GBP5: variants seen among roughly 807,000 people sequenced by gnomAD.
GBP5 encodes the protein guanylate-binding protein 5.
Under a neutral mutation model 58.2 loss-of-function variants are expected in GBP5, and 48 were observed. That is an observed-to-expected ratio of 0.83 (90% CI 0.65 to 1.05). The LOEUF (loss-of-function observed/expected upper bound fraction) is 1.05, where lower values mean the gene tolerates loss of function less well. GBP5 is among the 50% of genes least tolerant of loss of function. GBP5 has a pLI of 0.00. For synonymous variants in GBP5, 248 were observed against 251.8 expected, an observed-to-expected ratio of 0.98 and a Z score of 0.14; for missense variants, 714 against 686.8, an observed-to-expected ratio of 1.04 and a Z score of -0.44.
In GBP5 at chr1:89,269,361, C is replaced by T. The variant is rs774456807; in HGVS notation, c.190+5G>A. 1 of 1,613,682 alleles carries T rather than the reference C, an allele frequency of 6.2e-7. No homozygotes were observed. Among genetic ancestry groups the T allele is most frequent in the South Asian group, 1.1e-5 (1 of 91,036 alleles). On this transcript the variant is annotated splice_donor_5th_base_variant and intron_variant, in intron 3 of 11. Transcript: ENST00000370459. ...GTTTGGCAGAGCTTTGCTGGTACCA[C>T]TCACCCTTGTTCTTCCCAGCCAGCT...
In GBP5 at chr1:89,264,855, T is replaced by C; in HGVS notation, c.980A>G (p.Gln327Arg). ...CTGGTCATAGTGGGCAATGGCCTTTTGCACTGCAGCTGAGTTCTCTCTCTG... is the reference window on the plus strand; with the variant it reads ...CTGGTCATAGTGGGCAATGGCCTTTCGCACTGCAGCTGAGTTCTCTCTCTG... Reference protein sequence around the residue: ...LAQRENSAAVQKAIAHYDQQM... With the variant: ...LAQRENSAAVRKAIAHYDQQM... The change falls in exon 8 of 12, where the codon CAA becomes CGA. Residue 327 changes from glutamine (Q) to arginine (R), a missense_variant. Coordinates refer to ENST00000370459, the MANE Select transcript of GBP5 (RefSeq NM_052942.5). The C allele has an allele frequency of 6.2e-7, 1 of 1,614,240 alleles. No homozygotes were observed.
rs2100593780 is a variant in GBP5 at position 89,266,342 on chromosome 1, T to C, written c.868+4A>G. ...TGAAGGAAAATCCTAAAAATAATACTCACGAGATCCATTGACCATGATGCC... is the reference window on the plus strand; with the variant it reads ...TGAAGGAAAATCCTAAAAATAATACCCACGAGATCCATTGACCATGATGCC... On this transcript the variant is annotated splice_donor_region_variant and intron_variant, in intron 7 of 11. Coordinates refer to ENST00000370459, the MANE Select transcript of GBP5 (RefSeq NM_052942.5). 2 of 1,608,352 alleles carry C rather than the reference T, an allele frequency of 1.2e-6. No individual in the cohort carries two copies. Among genetic ancestry groups the C allele is most frequent in the East Asian group, 2.2e-5 (1 of 44,814 alleles).
In GBP5 at chr1:89,260,652, T is replaced by C; in HGVS notation, c.*52A>G. The C allele has an allele frequency of 2.8e-6, 3 of 1,065,382 alleles. No homozygotes were observed. The highest frequency in any genetic ancestry group is 2.9e-6 in the Non-Finnish European group (2 of 690,414). 66.0% of individuals were successfully genotyped at this position (1,065,382 alleles called of 1,614,324 possible). A position where few individuals can be genotyped will look rare whatever the true frequency, so the allele number is the denominator to read the frequency against. The stretch of plus-strand genomic sequence containing the variant: ...CCCAAGGTCTACAGTTTCTTTTCTG[T>C]TGTGTCATCAGTGACAAAGAGTAAA... On this transcript the variant is annotated 3_prime_UTR_variant, in exon 12 of 12. Transcript: ENST00000370459.
At chr1:89,266,660 T>A in intron 6 of GBP5, 72 bp from the exon 7 acceptor site, 1 of 1,370,866 alleles carries the variant, frequency 7.3e-7, no homozygotes, top group South Asian at 1.4e-5. Context: ...CTTGAATAAA[T>A]GTCCTTCCAC....
chr1:89,267,318 G>A (rs1438488795), intron 5 of GBP5, 99 bp downstream of exon 5: 3 of 1,024,538 alleles, frequency 2.9e-6, no homozygotes, highest in South Asian at 1.4e-5. Flanking sequence ...TGTTTATCAC[G>A]TTTCCATTTT....
In GBP5 at chr1:89,258,415, T is replaced by C. The variant is rs1466524781; in HGVS notation, c.*2289A>G. Among the ~76,000 whole-genome samples, 9 of 152,202 alleles carry C rather than the reference T, an allele frequency of 5.9e-5. No homozygotes were observed. The highest frequency in any genetic ancestry group is 1.0e-4 in the Non-Finnish European group (7 of 68,030). ...TTACTGATAACATTTCCTTGGATGA[T>C]AAAATGTATTTTTTTCTTTATAAAT... On this transcript the variant is annotated 3_prime_UTR_variant, in exon 12 of 12. Transcript: ENST00000370459.
In GBP5 at chr1:89,268,774, G is replaced by C; in HGVS notation, c.273C>G (p.His91Gln). ...WCVPHPNWPN[H>Q]TLVLLDTEGL... ...CCTCGGTGTCAAGCAGAACTAATGT[G>C]TGATTTGGCCAGTTGGGATGAGGCA... Residue 91 changes from histidine (H) to glutamine (Q), a missense_variant, in exon 4 of 12, where the codon CAC (histidine) becomes CAG (glutamine). Transcript: ENST00000370459. 1 of 1,614,014 alleles carries C rather than the reference G, an allele frequency of 6.2e-7. No individual in the cohort carries two copies. Among genetic ancestry groups the C allele is most frequent in the South Asian group, 1.1e-5 (1 of 91,078 alleles).
Position 89,269,626 on chromosome 1 carries a change from G to A in GBP5, c.-19-52C>T, listed in dbSNP as rs532239347. On this transcript the variant is annotated intron_variant, in intron 2 of 11. Coordinates refer to ENST00000370459, the MANE Select transcript of GBP5 (RefSeq NM_052942.5). ...GGAATTTCTGGTGTTTGTTTAATAAGCAAAGGAAGTCATTTTGCTTACTGA... is the reference window on the plus strand; with the variant it reads ...GGAATTTCTGGTGTTTGTTTAATAAACAAAGGAAGTCATTTTGCTTACTGA... 4.8e-5 allele frequency: 62 copies of A among 1,280,998 alleles called. 1 individual carries two copies. The Middle Eastern group carries it at 1.6e-3, about 32-fold the overall frequency. The allele number at this position is 1,280,998 out of a possible 1,614,324, so 79.4% of individuals were successfully genotyped here.
intron 4 of GBP5, among the ~76,000 whole-genome samples, chr1:89,268,187 A>T (rs892452479): frequency 6.6e-5 from 10 of 152,252 alleles, no homozygotes; most frequent in African/African-American, 1.9e-4. Context: ...AAAATAGTCA[A>T]GTGCTACAAA....
In GBP5 at chr1:89,262,334, G is replaced by T. The variant is rs757748945; in HGVS notation, c.1533C>A (p.Asn511Lys). Residue 511 changes from asparagine to lysine, a missense_variant, in exon 11 of 12, where the codon AAC (asparagine) becomes AAA (lysine). Physicochemically the swap from Asn to Lys is moderately conservative, Grantham distance 94. Coordinates refer to ENST00000370459, the MANE Select transcript of GBP5 (RefSeq NM_052942.5). Reference protein sequence around the residue: ...AQRLAAIQRQNEQMMQERERL... With the variant: ...AQRLAAIQRQKEQMMQERERL... ...TCTCCCTCTCCTGCATCATTTGCTC[G>T]TTCTGCCTTTGAATCGCCGCCAACC... is the stretch of plus-strand genomic sequence containing the variant. The T allele has an allele frequency of 6.2e-7, 1 of 1,613,870 alleles. No individual in the cohort carries two copies. The highest frequency in any genetic ancestry group is 8.5e-7 in the Non-Finnish European group (1 of 1,179,958).
chr1:89,265,082 T>G (rs1273535978), intron 7 of GBP5, 116 bp from the exon 8 acceptor site: 2 of 995,262 alleles, frequency 2.0e-6, no homozygotes, highest in Non-Finnish European at 3.0e-6. Context: ...TTTAGCATTA[T>G]GGACAGTAGT....
chr1:89,264,785 C>T lies in GBP5; in HGVS notation c.1050G>A (p.Glu350=). The T allele has an allele frequency of 6.2e-7, 1 of 1,614,190 alleles. No homozygotes were observed. Among genetic ancestry groups the T allele is most frequent in the Non-Finnish European group, 8.5e-7 (1 of 1,180,032 alleles). ...CACTGGTCCTGTGCAGGTCCAGCAGCTCCTGGAGGGTTTCCATGGGCAGCT... is the reference window on the plus strand; with the variant it reads ...CACTGGTCCTGTGCAGGTCCAGCAGTTCCTGGAGGGTTTCCATGGGCAGCT... ...KVQLPMETLQ[E]LLDLHRTSER... is the part of the protein sequence containing the mutation. Residue 350 remains glutamate (E), a synonymous_variant, in exon 8 of 12, where the codon GAG becomes GAA. Coordinates refer to ENST00000370459, the MANE Select transcript of GBP5 (RefSeq NM_052942.5).
intron 7 of GBP5, among the ~76,000 whole-genome samples, chr1:89,266,062 T>C (rs923540839): frequency 6.6e-6 from 1 of 152,222 alleles, no homozygotes; most frequent in Non-Finnish European, 1.5e-5. Flanking sequence ...AATGTATTTG[T>C]TGAACAAATG....
rs772656612 is a variant in GBP5 at position 89,264,811 on chromosome 1, G to A, written c.1024C>T (p.Gln342Ter). 1 of 1,614,176 alleles carries A rather than the reference G, an allele frequency of 6.2e-7. No homozygotes were observed. Among genetic ancestry groups the A allele is most frequent in the Admixed American group, 1.7e-5 (1 of 60,022 alleles). The change falls in exon 8 of 12, where the codon CAG becomes TAG. Residue 342 changes from glutamine (Q) to a stop codon, truncating the protein, a stop_gained. Transcript: ENST00000370459. LOFTEE classifies it high-confidence loss of function. Reference protein sequence around the residue: ...HYDQQMGQKVQLPMETLQELL... With the variant: ...HYDQQMGQKV ...TCCTGGAGGGTTTCCATGGGCAGCT[G>A]CACTTTCTGGCCCATTTGCTGGTCA... is the stretch of plus-strand genomic sequence containing the variant.
chr1:89,264,703 A>G lies in GBP5; in HGVS notation c.1132T>C (p.Phe378Leu). 6.2e-7 allele frequency: 1 copy of G among 1,613,480 alleles called. No individual in the cohort carries two copies. Among genetic ancestry groups the G allele is most frequent in the Non-Finnish European group, 8.5e-7 (1 of 1,179,460 alleles). The change falls in exon 8 of 12, where the codon TTC becomes CTC. Residue 378 changes from phenylalanine to leucine, a missense_variant. By Grantham distance (22) the Phe-to-Leu change is conservative. Coordinates refer to ENST00000370459, the MANE Select transcript of GBP5 (RefSeq NM_052942.5). Reference protein sequence around the residue: ...KNSFKDVDQSFQKELETLLDA... With the variant: ...KNSFKDVDQSLQKELETLLDA... ...AATATCACCTCCAATTCTTTCTGGA[A>G]ACTTTGGTCTACATCCTTGAAAGAG...
chr1:89,270,188 G>A (rs1650389235), intron 2 of GBP5: 1 of 152,038 alleles, frequency 6.6e-6, no homozygotes, highest in Non-Finnish European at 1.5e-5. Context: ...GACTGAATGA[G>A]TAAAACAACT....
chr1:89,262,234 C>T lies in GBP5; in HGVS notation c.1633G>A (p.Glu545Lys). The stretch of plus-strand genomic sequence containing the variant: ...TTGATGAATACCTGCATCTGTTGTT[C>T]CTGCATTTTCTGTTGCTCTGCCAGC... Reference protein sequence around the residue: ...NWLAEQQKMQEQQMQEQAAQL... With the variant: ...NWLAEQQKMQKQQMQEQAAQL... The change falls in exon 11 of 12, where the codon GAA (glutamate) becomes AAA (lysine). Residue 545 changes from glutamate to lysine, a missense_variant. By Grantham distance (56) the Glu-to-Lys change is moderately conservative. Transcript: ENST00000370459. The T allele has an allele frequency of 6.2e-7, 1 of 1,614,112 alleles. No homozygotes were observed. The highest frequency in any genetic ancestry group is 2.2e-5 in the East Asian group (1 of 44,888).
rs1204308111 is a variant in GBP5 at position 89,256,621 on chromosome 1, T to A, written c.*4083A>T. On this transcript the variant is annotated 3_prime_UTR_variant, in exon 12 of 12. Transcript: ENST00000370459. ...TGTTGAAACTGACTGAGACATGGGG[T>A]CAAGAGAGATTTCAAGAGTTTTGAG... 1.3e-5 allele frequency among the ~76,000 whole-genome samples: 2 copies of A among 152,130 alleles called. No homozygotes were observed. The highest frequency in any genetic ancestry group is 2.9e-5 in the Non-Finnish European group (2 of 68,018).
rs1175959738 is a variant in GBP5 at position 89,258,553 on chromosome 1, A to G, written c.*2151T>C. 2.0e-5 allele frequency among the ~76,000 whole-genome samples: 3 copies of G among 152,206 alleles called. No individual in the cohort carries two copies. The highest frequency in any genetic ancestry group is 2.9e-5 in the Non-Finnish European group (2 of 68,032). On this transcript the variant is annotated 3_prime_UTR_variant, in exon 12 of 12. Coordinates refer to ENST00000370459, the MANE Select transcript of GBP5 (RefSeq NM_052942.5). ...TAGAAATACTGCTGAGTAGCACCAC[A>G]TCCTATCTGATATGAAAAATTCCTC...
Sources: allele counts gnomAD v4.1 joint callset (sites outside exome capture counted in the v4.1 genomes callset), GRCh38; gene constraint gnomAD v4.1.1; transcripts MANE v1.5; gene names NCBI Gene and HGNC (gene_info 2026-07-23, HGNC 2026-07-21).